The following SMARCA2 variants were observed in gnomAD, a reference collection of about 807,000 sequenced individuals.
SMARCA2 encodes the protein SWI/SNF related BAF chromatin remodeling complex subunit ATPase 2.
A neutral mutation model predicts 199.8 loss-of-function variants in SMARCA2; 61 were observed. That is an observed-to-expected ratio of 0.31 (90% CI 0.25 to 0.38). The LOEUF (loss-of-function observed/expected upper bound fraction) is 0.38, where lower values mean the gene tolerates loss of function less well. Ranked by LOEUF, SMARCA2 falls within the 10% of genes least tolerant of loss-of-function variation. The probability of loss-of-function intolerance (pLI) is 1.00; values close to 1 mark genes in which losing one functional copy is unlikely to be tolerated. For missense variants in SMARCA2, 1,344 were observed against 2,012.2 expected (o/e 0.67, Z 6.35); for synonymous variants, 935 against 732.0 (o/e 1.28, Z -4.48).
chr9:2,147,041 T>G (rs76007998), intron 27 of SMARCA2, among the ~76,000 whole-genome samples: 4,187 of 152,294 alleles, frequency 0.027, 70 homozygotes, highest in Non-Finnish European at 0.045. Context: ...GGAGTTGCTC[T>G]GCTTCAAACA....
intron 16 of SMARCA2, among the ~76,000 whole-genome samples, chr9:2,083,819 C>G (rs1307159400): frequency 1.3e-5 from 2 of 152,234 alleles, no homozygotes; most frequent in East Asian, 1.9e-4. Context: ...GCGGTGGGTT[C>G]TCTACTACCA....
At chr9:2,102,964 T>TTG (rs957091478) in intron 22 of SMARCA2, among the ~76,000 whole-genome samples, 13 of 151,338 alleles carry the variant, frequency 8.6e-5, no homozygotes, top group African/African-American at 2.9e-4. Context: ...GCTCCCTGTT[T>TTG]TTTTTTTTTT....
intron 14 of SMARCA2, among the ~76,000 whole-genome samples, chr9:2,080,618 C>T (rs998982310): frequency 1.3e-5 from 2 of 152,174 alleles, no homozygotes; most frequent in African/African-American, 4.8e-5. Context: ...TTTGCCCATT[C>T]TCTTGGAGGT....
chr9:2,160,356 T>C, intron 27 of SMARCA2: 1 of 504,826 alleles, frequency 2.0e-6, no homozygotes. Context: ...CTTAGGAATC[T>C]GTCTGTGTGC....
intron 29 of SMARCA2, among the ~76,000 whole-genome samples, chr9:2,174,965 G>T (rs975153151): frequency 6.8e-6 from 1 of 146,518 alleles, no homozygotes; most frequent in Non-Finnish European, 1.5e-5. Context: ...AAATGGAGAG[G>T]CAGGAAAGGA....
intron 27 of SMARCA2, among the ~76,000 whole-genome samples, chr9:2,150,049 T>G (rs986043157): frequency 6.6e-6 from 1 of 151,590 alleles, no homozygotes; most frequent in Non-Finnish European, 1.5e-5. Flanking sequence ...TATGTGTACA[T>G]ACATGTATGT....
chr9:2,047,293 C>T lies in SMARCA2; in HGVS notation c.855C>T (p.Gly285=), dbSNP rs1291842514. The T allele has an allele frequency of 6.1e-6, 6 of 987,398 alleles. No individual in the cohort carries two copies. The highest frequency in any genetic ancestry group is 1.8e-5 in the African/African-American group (1 of 56,626). 61.2% of individuals were successfully genotyped at this position (987,398 alleles called of 1,614,324 possible). A position where few individuals can be genotyped will look rare whatever the true frequency, so the allele number is the denominator to read the frequency against. The change falls in exon 5 of 34, where the codon GGC becomes GGT. Residue 285 remains glycine (G), a synonymous_variant. Coordinates refer to ENST00000349721, the MANE Select transcript of SMARCA2 (RefSeq NM_003070.5). ...AGCTGCCGGTGCCCGCGCCCGGCGG[C>T]CGGCCCTCGCCCGCGCCCCCCGCAG... ...PQKLPVPAPG[G]RPSPAPPAAA...
Position 2,156,937 on chromosome 9 carries a change from G to A in SMARCA2, c.3982-4749G>A, listed in dbSNP as rs531928882. The stretch of plus-strand genomic sequence containing the variant: ...TCATCTCTGAAATCATACAGTATTT[G>A]CTTTTTTGCGTCTAGATTATTTCAC... On this transcript the variant is annotated intron_variant, in intron 27 of 33. Coordinates refer to ENST00000349721, the MANE Select transcript of SMARCA2 (RefSeq NM_003070.5). 5.9e-5 allele frequency among the ~76,000 whole-genome samples: 9 copies of A among 152,186 alleles called. No individual in the cohort carries two copies. In the South Asian group the frequency reaches 1.9e-3, roughly 32 times the overall value.
At chr9:2,079,120 C>T (rs1821453807) in intron 14 of SMARCA2, among the ~76,000 whole-genome samples, 1 of 152,152 alleles carries the variant, frequency 6.6e-6, no homozygotes, top group African/African-American at 2.4e-5. Flanking sequence ...CCCTGAACAA[C>T]AACCAGATAC....
rs1192907703 is a variant in SMARCA2, at chr9:2,149,153, C to T, written c.3982-12533C>T. ...CAGTTCCACATGGCTGGGGAGGCCT[C>T]AGAATCATGGCAGGAGGCAAAAGGC... On this transcript the variant is annotated intron_variant, in intron 27 of 33. Coordinates refer to ENST00000349721, the MANE Select transcript of SMARCA2 (RefSeq NM_003070.5). Among the ~76,000 whole-genome samples, 3 of 151,332 alleles carry T rather than the reference C, an allele frequency of 2.0e-5. 1 individual carries two copies. Among genetic ancestry groups the T allele is most frequent in the Non-Finnish European group, 4.4e-5 (3 of 67,674 alleles).
rs532284119 is a variant in SMARCA2 at position 2,177,588 on chromosome 9, C to T, written c.4254-3983C>T. Among the ~76,000 whole-genome samples, 49 of 151,850 alleles carry T rather than the reference C, an allele frequency of 3.2e-4. 1 individual carries two copies. In the East Asian group the frequency reaches 5.8e-3, roughly 18 times the overall value. On this transcript the variant is annotated intron_variant, in intron 29 of 33. Transcript: ENST00000349721. ...TTTTTTTGAAACTGAGTTTCGCTCT[C>T]GTTGCCCAGGCTGGAGTGCAGTGGC... is the stretch of plus-strand genomic sequence containing the variant.
intron 19 of SMARCA2, among the ~76,000 whole-genome samples, chr9:2,095,559 A>T (rs1822241713): frequency 6.6e-6 from 1 of 152,218 alleles, no homozygotes. Flanking sequence ...TTGGAGGGTT[A>T]CTTACACTTC....
At chr9:2,154,689 C>T (rs1461515884) in intron 27 of SMARCA2, among the ~76,000 whole-genome samples, 2 of 152,204 alleles carry the variant, frequency 1.3e-5, no homozygotes, top group Non-Finnish European at 2.9e-5. Context: ...CATGAAGGTG[C>T]TTCCAAGTTG....
At chr9:2,158,132 TGAAA>T (rs971766544) in intron 27 of SMARCA2, 10 of 190,474 alleles carry the variant, frequency 5.3e-5, no homozygotes, top group African/African-American at 3.0e-4. Flanking sequence ...TAAGCAAAAT[TGAAA>T]GAAAGAAAAG....
intron 1 of SMARCA2, among the ~76,000 whole-genome samples, chr9:2,027,305 C>T (rs1818875522): frequency 2.0e-5 from 3 of 151,704 alleles, no homozygotes; most frequent in Admixed American, 6.6e-5. Flanking sequence ...TAGCTTGGCA[C>T]GGTGGCGCCG....
Position 2,073,444 on chromosome 9 carries a change from G to A in SMARCA2, c.1877+102G>A, listed in dbSNP as rs185129730. 2.6e-4 allele frequency: 393 copies of A among 1,511,574 alleles called. 3 individuals carry two copies. The African/African-American group carries it at 4.0e-3, about 15-fold the overall frequency. The allele number at this position is 1,511,574 out of a possible 1,614,324, so 93.6% of individuals were successfully genotyped here. A position where few individuals can be genotyped will look rare whatever the true frequency, so the allele number is the denominator to read the frequency against. ...AAACTACACAGCCTTTGCTGAGATG[G>A]TTGAAGTTGTTACTTGGATTTGTCT... is the stretch of plus-strand genomic sequence containing the variant. On this transcript the variant is annotated intron_variant, in intron 11 of 33. Transcript: ENST00000349721.
chr9:2,062,165 A>G (rs1403882342), intron 9 of SMARCA2, among the ~76,000 whole-genome samples: 2 of 152,228 alleles, frequency 1.3e-5, no homozygotes, highest in Non-Finnish European at 2.9e-5. Context: ...TGAACTGTAG[A>G]CTTAAGAATG....
chr9:2,033,162 T>C, intron 3 of SMARCA2, 81 bp downstream of exon 3: 1 of 1,498,314 alleles, frequency 6.7e-7, no homozygotes, highest in Non-Finnish European at 9.1e-7. Context: ...AATTATGAAT[T>C]CCAAAGAATG....
chr9:2,109,518 C>T (rs894067246), intron 23 of SMARCA2, among the ~76,000 whole-genome samples: 1 of 152,144 alleles, frequency 6.6e-6, no homozygotes, highest in Admixed American at 6.5e-5. Flanking sequence ...CCCCATGGGG[C>T]AAACCACCCC....
Sources: gnomAD v4.1 joint callset for allele counts (sites outside exome capture counted in the v4.1 genomes callset) on GRCh38, gnomAD v4.1.1 for gene constraint, MANE v1.5 for transcripts, NCBI Gene and HGNC (gene_info 2026-07-23, HGNC 2026-07-21) for gene names.